CSNK2A2IP: variants seen among roughly 807,000 people sequenced by gnomAD.
CSNK2A2IP encodes casein kinase 2 subunit alpha' interacting protein.
chr3:88,449,874 T>TATATAGAGAGAGAGAG, the CSNK2A2IP span, among the ~76,000 whole-genome samples: 1 of 70,108 alleles, frequency 1.4e-5, no homozygotes, highest in African/African-American at 4.7e-5. Flanking sequence ...TATATATATA[T>TATATAGAGAGAGAGAG]AGAGAGAGAG....
At chr3:88,432,863 C>A in the CSNK2A2IP span, among the ~76,000 whole-genome samples, 1 of 151,316 alleles carries the variant, frequency 6.6e-6, no homozygotes, top group African/African-American at 2.4e-5. Flanking sequence ...CTGGTCATTA[C>A]ATATTTAGGT....
the CSNK2A2IP span, among the ~76,000 whole-genome samples, chr3:88,458,141 GTTTTTTTTTTTTTT>G: frequency 4.6e-4 from 38 of 83,304 alleles, 1 homozygote; most frequent in African/African-American, 2.0e-3. Context: ...TGTAATTGTG[GTTTTTTTTTTTTTT>G]TTTTTTTTTT....
chr3:88,425,252 G>A, the CSNK2A2IP span, among the ~76,000 whole-genome samples: 1 of 152,038 alleles, frequency 6.6e-6, no homozygotes, highest in African/African-American at 2.4e-5. Flanking sequence ...TTTTGTAAAT[G>A]TTGCTTAAAT....
At chr3:88,420,552 T>A in the CSNK2A2IP span, among the ~76,000 whole-genome samples, 7 of 152,266 alleles carry the variant, frequency 4.6e-5, no homozygotes, top group African/African-American at 1.7e-4. Flanking sequence ...TATTATAAAA[T>A]AAATTAAGAT....
At chr3:88,414,508 C>T in the CSNK2A2IP span, among the ~76,000 whole-genome samples, 4 of 151,648 alleles carry the variant, frequency 2.6e-5, no homozygotes, top group Admixed American at 2.0e-4. Context: ...CTCTCGATCT[C>T]CTGACCTCAT....
the CSNK2A2IP span, among the ~76,000 whole-genome samples, chr3:88,394,533 C>T: frequency 6.6e-6 from 1 of 152,212 alleles, no homozygotes; most frequent in Middle Eastern, 3.4e-3. Flanking sequence ...CCACCACGGC[C>T]AGCGAATTTT....
chr3:88,462,378 C>A, the CSNK2A2IP span, among the ~76,000 whole-genome samples: 1 of 152,108 alleles, frequency 6.6e-6, no homozygotes, highest in South Asian at 2.1e-4. Flanking sequence ...CCAGGTCCAA[C>A]AAGCATGAGA....
the CSNK2A2IP span, among the ~76,000 whole-genome samples, chr3:88,407,177 G>A: frequency 6.6e-6 from 1 of 151,844 alleles, no homozygotes; most frequent in African/African-American, 2.4e-5. Context: ...TTGCGGATTT[G>A]GGGGCGCCAG....
chr3:88,416,069 G>A, the CSNK2A2IP span, among the ~76,000 whole-genome samples: 1 of 151,794 alleles, frequency 6.6e-6, no homozygotes, highest in Non-Finnish European at 1.5e-5. Flanking sequence ...TCAGGAGATG[G>A]AGACCATCCT....
chr3:88,340,412 A>C, the CSNK2A2IP span, among the ~76,000 whole-genome samples: 1 of 151,982 alleles, frequency 6.6e-6, no homozygotes, highest in Non-Finnish European at 1.5e-5. Flanking sequence ...GATGAACTGA[A>C]TTATTCGTAA....
chr3:88,433,000 A>T, the CSNK2A2IP span, among the ~76,000 whole-genome samples: 1 of 151,896 alleles, frequency 6.6e-6, no homozygotes. Context: ...AACAAATATC[A>T]GGCTGTATGT....
the CSNK2A2IP span, chr3:88,382,607 C>G: frequency 6.6e-6 from 1 of 152,052 alleles, no homozygotes; most frequent in Admixed American, 6.6e-5. Context: ...GCTTCTTTTT[C>G]CATCAAGAAA....
the CSNK2A2IP span, among the ~76,000 whole-genome samples, chr3:88,343,902 T>C: frequency 6.6e-6 from 1 of 151,966 alleles, no homozygotes; most frequent in Non-Finnish European, 1.5e-5. Flanking sequence ...TTTCAATCAA[T>C]ATTTCACAAT....
chr3:88,385,868 T>C, the CSNK2A2IP span, among the ~76,000 whole-genome samples: 1 of 152,196 alleles, frequency 6.6e-6, no homozygotes, highest in African/African-American at 2.4e-5. Flanking sequence ...TTATAGCTTC[T>C]ACTTTCTCAA....
the CSNK2A2IP span, among the ~76,000 whole-genome samples, chr3:88,354,617 A>T: frequency 6.6e-6 from 1 of 152,278 alleles, no homozygotes; most frequent in East Asian, 1.9e-4. Flanking sequence ...AAGAAAATTC[A>T]CCTGTCCACC....
chr3:88,407,507 T>C, the CSNK2A2IP span, among the ~76,000 whole-genome samples: 2 of 152,040 alleles, frequency 1.3e-5, no homozygotes, highest in Non-Finnish European at 2.9e-5. Context: ...AATAACCTCT[T>C]TTCACTTTTG....
the CSNK2A2IP span, among the ~76,000 whole-genome samples, chr3:88,420,796 G>C: frequency 7.9e-5 from 12 of 152,226 alleles, no homozygotes; most frequent in East Asian, 2.3e-3. Context: ...TAAGAAGAAT[G>C]CAATATGACT....
the CSNK2A2IP span, among the ~76,000 whole-genome samples, chr3:88,356,144 G>T: frequency 1.3e-5 from 2 of 151,980 alleles, no homozygotes. Flanking sequence ...ATAAGTTATT[G>T]TTTACCATAG....
the CSNK2A2IP span, among the ~76,000 whole-genome samples, chr3:88,360,402 G>A: frequency 6.6e-6 from 1 of 152,100 alleles, no homozygotes; most frequent in Non-Finnish European, 1.5e-5. Flanking sequence ...CAAAGTGCTG[G>A]GATTATAGGC....
Sources: allele counts gnomAD v4.1 joint callset (sites outside exome capture counted in the v4.1 genomes callset), GRCh38; gene constraint gnomAD v4.1.1; transcripts MANE v1.5; gene names NCBI Gene and HGNC (gene_info 2026-07-23, HGNC 2026-07-21).